FRMD4A: variants seen among roughly 807,000 people sequenced by gnomAD.
FRMD4A encodes FERM domain containing 4A.
FRMD4A carries 29 observed loss-of-function variants against 129.1 expected under a neutral mutation model. The ratio of observed to expected loss-of-function variants is 0.22; its 90% CI spans 0.17 to 0.31. FRMD4A has a LOEUF of 0.31. Among genes scored for constraint, FRMD4A ranks in the 10% least tolerant of loss-of-function variants. The pLI is 1.00. For missense variants in FRMD4A, 1,272 were observed against 1,375.8 expected (o/e 0.92, Z 1.19); for synonymous variants, 634 against 571.6 (o/e 1.11, Z -1.56).
chr10:14,117,168 C>T (rs567152709), intron 2 of FRMD4A, among the ~76,000 whole-genome samples: 3 of 152,354 alleles, frequency 2.0e-5, no homozygotes, highest in Admixed American at 1.3e-4. Context: ...GGAAGTTTGT[C>T]TTGGTGTCTT....
At chr10:14,150,352 T>C (rs1235265362) in intron 2 of FRMD4A, among the ~76,000 whole-genome samples, 1 of 152,230 alleles carries the variant, frequency 6.6e-6, no homozygotes, top group African/African-American at 2.4e-5. Context: ...TGCTGATAAG[T>C]AGTATCGGCT....
chr10:13,676,763 T>G (rs1315397431), intron 15 of FRMD4A, among the ~76,000 whole-genome samples: 3 of 152,200 alleles, frequency 2.0e-5, no homozygotes, highest in Non-Finnish European at 4.4e-5. Context: ...CCTAAAGACC[T>G]AAATAGACAG....
At chr10:14,127,853 T>C (rs1051257994) in intron 2 of FRMD4A, among the ~76,000 whole-genome samples, 3 of 152,210 alleles carry the variant, frequency 2.0e-5, no homozygotes, top group Non-Finnish European at 2.9e-5. Context: ...CCTTCCTAAA[T>C]TATCCCCAGC....
intron 3 of FRMD4A, among the ~76,000 whole-genome samples, chr10:13,852,476 G>C (rs540791720): frequency 3.0e-4 from 45 of 152,070 alleles, no homozygotes; most frequent in Middle Eastern, 6.3e-3. Flanking sequence ...GCCCACCTCA[G>C]CCTCCCAAAG....
chr10:13,879,423 G>A (rs963259373), intron 2 of FRMD4A, among the ~76,000 whole-genome samples: 4 of 152,104 alleles, frequency 2.6e-5, no homozygotes, highest in Non-Finnish European at 5.9e-5. Flanking sequence ...TGAGGTGGGA[G>A]AATCACTTGA....
At chr10:14,233,401 C>A (rs1041280317) in intron 2 of FRMD4A, among the ~76,000 whole-genome samples, 12 of 102,278 alleles carry the variant, frequency 1.2e-4, no homozygotes, top group Non-Finnish European at 1.8e-4. Context: ...GAAACCCCAT[C>A]TGTACTAAAA....
At chr10:14,270,726 A>G (rs1027898919) in intron 2 of FRMD4A, among the ~76,000 whole-genome samples, 1 of 152,236 alleles carries the variant, frequency 6.6e-6, no homozygotes, top group Non-Finnish European at 1.5e-5. Context: ...GTGAAACAAC[A>G]TAAAACAGAA....
intron 2 of FRMD4A, among the ~76,000 whole-genome samples, chr10:14,054,304 T>A (rs1017249991): frequency 6.6e-6 from 1 of 152,204 alleles, no homozygotes; most frequent in African/African-American, 2.4e-5. Flanking sequence ...CTGTGGCTGC[T>A]GACCCTGGAG....
At chr10:13,759,591 T>C (rs185150570) in intron 8 of FRMD4A, among the ~76,000 whole-genome samples, 4 of 152,340 alleles carry the variant, frequency 2.6e-5, no homozygotes, top group African/African-American at 7.2e-5. Context: ...TAAATCATTT[T>C]TTCATGGGAC....
At chr10:13,693,485 G>T in intron 15 of FRMD4A, 2 of 1,142,972 alleles carry the variant, frequency 1.7e-6, no homozygotes, top group Non-Finnish European at 2.2e-6. Context: ...AACCCACCTG[G>T]GAGTAGAATG....
Position 13,858,855 on chromosome 10 carries a change from G to A in FRMD4A, c.103C>T (p.Leu35=). Residue 35 remains leucine (L), a synonymous_variant, in exon 3 of 25, where the codon CTA becomes TTA. Transcript: ENST00000357447. The part of the protein sequence containing the change: ...HLLDDRKLEL[L]VQPKLLAKEL... ...GACCAAAAGCGATTTACCTGTACTA[G>A]GAGTTCCAGCTTCCTGTCATCAAGA... 1.3e-6 allele frequency: 2 copies of A among 1,594,786 alleles called. No homozygotes were observed. Among genetic ancestry groups the A allele is most frequent in the Middle Eastern group, 1.7e-4 (1 of 6,042 alleles).
At chr10:13,931,538 G>A (rs1052807913) in intron 2 of FRMD4A, among the ~76,000 whole-genome samples, 12 of 152,032 alleles carry the variant, frequency 7.9e-5, no homozygotes, top group Non-Finnish European at 1.5e-4. Context: ...TGACTCCCAG[G>A]GCTAGGTTGG....
At chr10:13,878,663 G>A (rs1358257126) in intron 2 of FRMD4A, among the ~76,000 whole-genome samples, 1 of 152,134 alleles carries the variant, frequency 6.6e-6, no homozygotes, top group African/African-American at 2.4e-5. Flanking sequence ...TGAGGCAGAA[G>A]AATCACTTGA....
At chr10:14,027,117 T>C (rs1402503515) in intron 2 of FRMD4A, among the ~76,000 whole-genome samples, 11 of 152,228 alleles carry the variant, frequency 7.2e-5, no homozygotes, top group Non-Finnish European at 8.8e-5. Flanking sequence ...CTTAGCCCCT[T>C]TCCTTATGAA....
At chr10:14,066,481 T>A (rs1320229749) in intron 2 of FRMD4A, among the ~76,000 whole-genome samples, 1 of 151,686 alleles carries the variant, frequency 6.6e-6, no homozygotes, top group Non-Finnish European at 1.5e-5. Context: ...AGAGAATGAG[T>A]AGGGAAGATA....
intron 2 of FRMD4A, among the ~76,000 whole-genome samples, chr10:13,970,024 A>G (rs980613685): frequency 3.9e-5 from 6 of 152,226 alleles, no homozygotes; most frequent in African/African-American, 4.8e-5. Flanking sequence ...AAAAGCTTCA[A>G]ATGGACAAAC....
intron 17 of FRMD4A, among the ~76,000 whole-genome samples, chr10:13,670,062 A>C (rs1009197317): frequency 1.3e-5 from 2 of 152,186 alleles, no homozygotes; most frequent in Non-Finnish European, 2.9e-5. Flanking sequence ...ATCACACATC[A>C]AGCTTGGCTC....
intron 12 of FRMD4A, among the ~76,000 whole-genome samples, chr10:13,724,111 G>T (rs909013163): frequency 6.6e-6 from 1 of 152,162 alleles, no homozygotes; most frequent in South Asian, 2.1e-4. Flanking sequence ...TTTGTCAGCC[G>T]GGCGCGGTGG....
intron 2 of FRMD4A, among the ~76,000 whole-genome samples, chr10:13,964,432 A>G (rs1030809718): frequency 9.0e-6 from 1 of 111,498 alleles, no homozygotes; most frequent in East Asian, 3.0e-4. Flanking sequence ...TTTTTCCTAT[A>G]GTTTTACTGC....
Sources: allele counts gnomAD v4.1 joint callset (sites outside exome capture counted in the v4.1 genomes callset), GRCh38; gene constraint gnomAD v4.1.1; transcripts MANE v1.5; gene names NCBI Gene and HGNC (gene_info 2026-07-23, HGNC 2026-07-21).